Variants in CCBE1 observed in about 807,000 individuals in gnomAD.
CCBE1 encodes collagen and calcium-binding EGF domain-containing protein 1.
In CCBE1, 37 loss-of-function variants were observed where a neutral mutation model predicts 50.0. The ratio of observed to expected loss-of-function variants is 0.74; its 90% CI spans 0.57 to 0.97. CCBE1 has a LOEUF of 0.97. CCBE1 is among the 50% of genes least tolerant of loss of function. The pLI is 0.00. For synonymous variants in CCBE1, 234 were observed against 203.7 expected, an observed-to-expected ratio of 1.15 and a Z score of -1.27; for missense variants, 538 against 523.8, an observed-to-expected ratio of 1.03 and a Z score of -0.26.
intron 2 of CCBE1, among the ~76,000 whole-genome samples, chr18:59,621,943 A>G (rs945031727): frequency 2.9e-4 from 44 of 152,280 alleles, no homozygotes; most frequent in African/African-American, 1.1e-3. Flanking sequence ...CCATGGACTT[A>G]CCCTCACAGC....
chr18:59,432,163 G>A lies in CCBE1; in HGVS notation c.*3745C>T, dbSNP rs1002315564. On this transcript the variant is annotated 3_prime_UTR_variant, in exon 11 of 11. Transcript: ENST00000439986. Reference sequence around the variant, plus strand: ...TTTAGTAGAGATGGGGTTTCACCACGTGTTGGTCAGGATGGTCTTGATCTC... The same window carrying A: ...TTTAGTAGAGATGGGGTTTCACCACATGTTGGTCAGGATGGTCTTGATCTC... The A allele has an allele frequency of 2.6e-5, 4 of 152,050 alleles. No individual in the cohort carries two copies. The highest frequency in any genetic ancestry group is 5.9e-5 in the Non-Finnish European group (4 of 68,042). 9.4% of individuals were successfully genotyped at this position (152,050 alleles called of 1,614,324 possible). A position where few individuals can be genotyped will look rare whatever the true frequency, so the allele number is the denominator to read the frequency against.
Position 59,622,477 on chromosome 18 carries a change from C to T in CCBE1, c.212+74152G>A, listed in dbSNP as rs1275208180. On this transcript the variant is annotated intron_variant, in intron 2 of 10. Coordinates refer to ENST00000439986, the MANE Select transcript of CCBE1 (RefSeq NM_133459.4). ...TGAGATCATGCCACTGCCCTCCAGCCTGGGCGACAGAGTGAGACTTCATCT... is the reference window on the plus strand; with the variant it reads ...TGAGATCATGCCACTGCCCTCCAGCTTGGGCGACAGAGTGAGACTTCATCT... Among the ~76,000 whole-genome samples, 8 of 150,322 alleles carry T rather than the reference C, an allele frequency of 5.3e-5. No individual in the cohort carries two copies. The South Asian group carries it at 1.7e-3, about 32-fold the overall frequency.
chr18:59,501,420 A>T (rs1033441015), intron 2 of CCBE1, among the ~76,000 whole-genome samples: 1 of 152,190 alleles, frequency 6.6e-6, no homozygotes, highest in Admixed American at 6.5e-5. Flanking sequence ...GCAGTTAACA[A>T]AACTGAGTGA....
chr18:59,509,632 CAT>C (rs974153000), intron 2 of CCBE1, among the ~76,000 whole-genome samples: 4 of 152,138 alleles, frequency 2.6e-5, no homozygotes, highest in African/African-American at 7.2e-5. Flanking sequence ...GAATCTAGCA[CAT>C]GTCTTAAGTT....
At chr18:59,450,427 C>T (rs535973059) in intron 6 of CCBE1, among the ~76,000 whole-genome samples, 5 of 152,240 alleles carry the variant, frequency 3.3e-5, no homozygotes, top group African/African-American at 1.2e-4. Context: ...AGGTAACTTA[C>T]CGAGAGTCAC....
intron 2 of CCBE1, among the ~76,000 whole-genome samples, chr18:59,683,945 G>A (rs1351424685): frequency 6.6e-6 from 1 of 151,410 alleles, no homozygotes; most frequent in East Asian, 2.0e-4. Context: ...CCTTCCCTAG[G>A]ACAGCAGGGT....
At chr18:59,578,274 G>A (rs1438848647) in intron 2 of CCBE1, among the ~76,000 whole-genome samples, 1 of 152,166 alleles carries the variant, frequency 6.6e-6, no homozygotes, top group African/African-American at 2.4e-5. Flanking sequence ...CAGTTAGAAT[G>A]GCGATCATTA....
chr18:59,638,730 G>T (rs2053946214), intron 2 of CCBE1, among the ~76,000 whole-genome samples: 1 of 152,122 alleles, frequency 6.6e-6, no homozygotes, highest in Non-Finnish European at 1.5e-5. Flanking sequence ...ACATAGCCCA[G>T]ATCTTAAATT....
At chr18:59,545,804 TTCC>T (rs1407632268) in intron 2 of CCBE1, among the ~76,000 whole-genome samples, 1 of 152,204 alleles carries the variant, frequency 6.6e-6, no homozygotes, top group African/African-American at 2.4e-5. Context: ...CTTTTACATC[TTCC>T]TCATTTTCTC....
At chr18:59,552,584 T>C (rs979981422) in intron 2 of CCBE1, among the ~76,000 whole-genome samples, 7 of 152,108 alleles carry the variant, frequency 4.6e-5, no homozygotes, top group African/African-American at 1.7e-4. Flanking sequence ...AAAAGAAGAG[T>C]ATTTCAAAGT....
intron 5 of CCBE1, among the ~76,000 whole-genome samples, chr18:59,455,763 T>C (rs1911163259): frequency 6.6e-6 from 1 of 152,214 alleles, no homozygotes; most frequent in Non-Finnish European, 1.5e-5. Context: ...CCAAGGTCTG[T>C]GCCAAAGGTG....
intron 2 of CCBE1, among the ~76,000 whole-genome samples, chr18:59,489,170 G>A (rs574834561): frequency 6.6e-6 from 1 of 152,364 alleles, no homozygotes; most frequent in Non-Finnish European, 1.5e-5. Flanking sequence ...AAAGGCATAT[G>A]ATTGGTTCTC....
At chr18:59,484,484 A>G (rs1484649442) in intron 2 of CCBE1, among the ~76,000 whole-genome samples, 1 of 152,242 alleles carries the variant, frequency 6.6e-6, no homozygotes, top group African/African-American at 2.4e-5. Flanking sequence ...CCAAGACATT[A>G]AACTTGGGCA....
chr18:59,548,312 T>C lies in CCBE1; in HGVS notation c.213-68074A>G, dbSNP rs529480108. On this transcript the variant is annotated intron_variant, in intron 2 of 10. Transcript: ENST00000439986. ...CTGACATGAAGACAATAAAATTATA[T>C]GGATACTTTCTGATTTCTCTGGTTT... Among the ~76,000 whole-genome samples the C allele has an allele frequency of 7.2e-5, 11 of 152,342 alleles. 1 individual carries two copies. In the South Asian group the frequency reaches 2.3e-3, roughly 32 times the overall value.
chr18:59,616,052 ATGGGCGCTC>A lies in CCBE1; in HGVS notation c.212+80568_212+80576del, dbSNP rs371474603. 8.9e-3 allele frequency among the ~76,000 whole-genome samples: 1,350 copies of A among 152,318 alleles called. 20 individuals carry two copies. Among genetic ancestry groups the A allele is most frequent in the African/African-American group, 0.03 (1,258 of 41,552 alleles). ...TATAACAAGTTACAGATCCTATGTG[ATGGGCGCTC>A]TGGCCTCCTCCTGCTTAGCATATTC... On this transcript the variant is annotated intron_variant, in intron 2 of 10. Coordinates refer to ENST00000439986, the MANE Select transcript of CCBE1 (RefSeq NM_133459.4).
intron 2 of CCBE1, among the ~76,000 whole-genome samples, chr18:59,680,219 T>C (rs2054567530): frequency 1.2e-5 from 1 of 80,458 alleles, no homozygotes; most frequent in Non-Finnish European, 2.4e-5. Context: ...AGACCCCTTT[T>C]CAAAAAAGAA....
chr18:59,636,646 T>G (rs996181107), intron 2 of CCBE1, among the ~76,000 whole-genome samples: 4 of 152,168 alleles, frequency 2.6e-5, no homozygotes, highest in Non-Finnish European at 5.9e-5. Flanking sequence ...CCAACATTTA[T>G]AGAGAAACAA....
Position 59,531,281 on chromosome 18 carries a change from G to A in CCBE1, c.213-51043C>T, listed in dbSNP as rs561981086. 1.9e-3 allele frequency among the ~76,000 whole-genome samples: 283 copies of A among 152,116 alleles called. 2 individuals are homozygous for A. The highest frequency in any genetic ancestry group is 6.5e-3 in the African/African-American group (270 of 41,470). On this transcript the variant is annotated intron_variant, in intron 2 of 10. Coordinates refer to ENST00000439986, the MANE Select transcript of CCBE1 (RefSeq NM_133459.4). ...CCTGCCTCATCAATACCCCAAGCCA[G>A]TGTGAAAGATGAGAAGAGACACATA... is the stretch of plus-strand genomic sequence containing the variant.
chr18:59,518,104 C>T (rs2144317302), intron 2 of CCBE1, among the ~76,000 whole-genome samples: 1 of 152,324 alleles, frequency 6.6e-6, no homozygotes, highest in South Asian at 2.1e-4. Flanking sequence ...GGGCATAAAA[C>T]AGTGTTAATC....
Sources: allele counts gnomAD v4.1 joint callset (sites outside exome capture counted in the v4.1 genomes callset), GRCh38; gene constraint gnomAD v4.1.1; transcripts MANE v1.5; gene names NCBI Gene and HGNC (gene_info 2026-07-23, HGNC 2026-07-21).